TAFAZZIN: variants seen among roughly 807,000 people sequenced by gnomAD.
TAFAZZIN encodes the protein protein G4.5.
In TAFAZZIN, 6 loss-of-function variants were observed where a neutral mutation model predicts 27.3. That is an observed-to-expected ratio of 0.22 (90% CI 0.12 to 0.43). TAFAZZIN has a LOEUF of 0.43. TAFAZZIN is among the 20% of genes least tolerant of loss of function. The pLI is 1.00. For synonymous variants in TAFAZZIN, 79 were observed against 96.2 expected (o/e 0.82, Z 1.04); for missense variants, 127 against 244.5 (o/e 0.52, Z 3.21).
At chrX:154,419,923 G>T (rs1000899842) in intron 7 of TAFAZZIN, 109 bp from the exon 8 acceptor site, 23 of 1,110,380 alleles carry the variant, frequency 2.1e-5, no homozygotes, top group African/African-American at 3.6e-5. Context: ...TTGCCCAAGG[G>T]AGCTGAATTG....
intron 2 of TAFAZZIN, 76 bp from the exon 3 acceptor site, chrX:154,413,131 C>A: frequency 1.7e-6 from 2 of 1,186,770 alleles, no homozygotes; most frequent in Non-Finnish European, 2.3e-6. Flanking sequence ...GTCCCTCATT[C>A]CCTGAGATGG....
At chrX:154,414,037 C>T (rs2068408221) in intron 4 of TAFAZZIN, 64 bp from the exon 5 acceptor site, 1 of 744,646 alleles carries the variant, frequency 1.3e-6, no homozygotes, top group Admixed American at 2.3e-5. Flanking sequence ...GCTGCTGGCC[C>T]AAGGTCATGG....
In TAFAZZIN at chrX:154,419,765, T is replaced by G; in HGVS notation, c.583+19T>G. 8.3e-7 allele frequency: 1 copy of G among 1,211,828 alleles called. No individual in the cohort carries two copies. Among genetic ancestry groups the G allele is most frequent in the Non-Finnish European group, 1.1e-6 (1 of 895,230 alleles). ...AAGTGGGGTAAGGGCTGCTGGTCTC[T>G]GGCCACAGCCATCCTCCCGGCCCAG... On this transcript the variant is annotated intron_variant, in intron 7 of 10. Coordinates refer to ENST00000601016, the MANE Select transcript of TAFAZZIN (RefSeq NM_000116.5).
intron 7 of TAFAZZIN, 126 bp from the exon 8 acceptor site, chrX:154,419,906 C>A: frequency 9.1e-7 from 1 of 1,094,092 alleles, no homozygotes; most frequent in Non-Finnish European, 1.3e-6. Context: ...CTGCCTCTCG[C>A]AGGGGCTTGC....
At position 154,414,257 on chromosome X, in the gene TAFAZZIN, C is replaced by T. The variant is rs782526361; in HGVS notation, c.460+67C>T. 1.8e-4 allele frequency: 177 copies of T among 969,147 alleles called. No homozygotes were observed. The African/African-American group carries it at 3.0e-3, about 16-fold the overall frequency. 79.9% of individuals were successfully genotyped at this position (969,147 alleles called of 1,213,427 possible). ...TTGTGAGGTCGAGGTGAGAGGATCACTCAAGCCCAGGAGTTTGAGACCAGC... is the reference window on the plus strand; with the variant it reads ...TTGTGAGGTCGAGGTGAGAGGATCATTCAAGCCCAGGAGTTTGAGACCAGC... On this transcript the variant is annotated intron_variant, in intron 5 of 10. Transcript: ENST00000601016.
intron 5 of TAFAZZIN, among the ~76,000 whole-genome samples, chrX:154,415,536 A>G (rs1304940925): frequency 1.8e-5 from 2 of 111,323 alleles, no homozygotes; most frequent in Middle Eastern, 4.2e-3. Context: ...ACGTAGGTAG[A>G]TAGATAGATA....
chrX:154,421,007 C>T lies in TAFAZZIN; in HGVS notation c.*3C>T. 2 of 1,204,489 alleles carry T rather than the reference C, an allele frequency of 1.7e-6. No homozygotes were observed. The highest frequency in any genetic ancestry group is 2.2e-6 in the Non-Finnish European group (2 of 888,988). ...ACCACCTCCAGCCTGGGAGATAGGC[C>T]TTGCTTGCTGCCTTCTGGATTCTTG... On this transcript the variant is annotated 3_prime_UTR_variant, in exon 11 of 11. Transcript: ENST00000601016.
In TAFAZZIN at chrX:154,411,843, G is replaced by A; in HGVS notation, c.-1G>A. 1 of 1,190,660 alleles carries A rather than the reference G, an allele frequency of 8.4e-7. No homozygotes were observed. Among genetic ancestry groups the A allele is most frequent in the South Asian group, 1.8e-5 (1 of 55,365 alleles). On this transcript the variant is annotated 5_prime_UTR_variant, in exon 1 of 11. Transcript: ENST00000601016. ...GAGCGCCGGCCGCGGGCCGGGTGGG[G>A]ATGCCTCTGCACGTGAAGTGGCCGT...
intron 10 of TAFAZZIN, 67 bp from the exon 11 acceptor site, chrX:154,420,836 C>G (rs2068610725): frequency 8.5e-7 from 1 of 1,180,413 alleles, no homozygotes; most frequent in Admixed American, 2.2e-5. Flanking sequence ...CCTCCCAGGG[C>G]ACCCTCCCAG....
Position 154,413,204 on chromosome X carries a change from T to C in TAFAZZIN, c.239-3T>C. The C allele has an allele frequency of 8.2e-7, 1 of 1,212,134 alleles. No individual in the cohort carries two copies. Among genetic ancestry groups the C allele is most frequent in the Non-Finnish European group, 1.1e-6 (1 of 895,510 alleles). On this transcript the variant is annotated splice_region_variant and splice_polypyrimidine_tract_variant and intron_variant, in intron 2 of 10. Transcript: ENST00000601016. ...GGGGCATGAAGCCTTTCCTGTCCTC[T>C]AGGGATCCTGAAACTCCGCCACATC...
Position 154,419,826 on chromosome X carries a change from G to A in TAFAZZIN, c.583+80G>A, listed in dbSNP as rs997291783. The A allele has an allele frequency of 6.8e-6, 8 of 1,178,302 alleles. No homozygotes were observed. The African/African-American group carries it at 8.8e-5, about 13-fold the overall frequency. On this transcript the variant is annotated intron_variant, in intron 7 of 10. Coordinates refer to ENST00000601016, the MANE Select transcript of TAFAZZIN (RefSeq NM_000116.5). ...GTGGGCCCCTGGCTCCCGCCCCCTC[G>A]GGCTGGCTTGTATGGGGGTAGATGG...
chrX:154,413,951 T>C (rs2068404522), intron 4 of TAFAZZIN, 150 bp from the exon 5 acceptor site: 1 of 508,591 alleles, frequency 2.0e-6, no homozygotes, highest in Non-Finnish European at 3.6e-6. Context: ...ACAAACAGGC[T>C]TGTGGGGTGA....
intron 9 of TAFAZZIN, among the ~76,000 whole-genome samples, 186 bp from the exon 10 acceptor site, chrX:154,420,472 G>A (rs1168081347): frequency 1.3e-4 from 14 of 110,212 alleles, no homozygotes; most frequent in Admixed American, 1.2e-3. Flanking sequence ...GGGCTGTGGG[G>A]TCAGGACAGG....
At chrX:154,413,329 C>T in intron 3 of TAFAZZIN, 77 bp downstream of exon 3, 1 of 1,208,312 alleles carries the variant, frequency 8.3e-7, no homozygotes, top group Non-Finnish European at 1.1e-6. Flanking sequence ...TCCTCCTGCT[C>T]TGCCCAGGAG....
At chrX:154,417,398 A>G (rs930296982) in intron 5 of TAFAZZIN, among the ~76,000 whole-genome samples, 5 of 111,870 alleles carry the variant, frequency 4.5e-5, no homozygotes, top group Admixed American at 9.5e-5. Context: ...CCAGATTATT[A>G]TGGCCTGAGG....
intron 5 of TAFAZZIN, among the ~76,000 whole-genome samples, chrX:154,417,517 G>A (rs2068524377): frequency 8.9e-6 from 1 of 112,860 alleles, no homozygotes; most frequent in African/African-American, 3.2e-5. Context: ...AGAGACAGAA[G>A]GAAGGGTAAC....
In TAFAZZIN at chrX:154,411,991, C is replaced by A. The variant is rs781904453; in HGVS notation, c.109+39C>A. 26 of 1,199,409 alleles carry A rather than the reference C, an allele frequency of 2.2e-5. No individual in the cohort carries two copies. The highest frequency in any genetic ancestry group is 6.7e-5 in the Admixed American group (3 of 45,109). On this transcript the variant is annotated intron_variant, in intron 1 of 10. Transcript: ENST00000601016. ...GGCCGAGGCAGGCCCGCCCGGGTAC[C>A]CATGCCCGGCCGGAGGTGGGACTTA...
intron 2 of TAFAZZIN, chrX:154,412,785 A>G (rs781902565): frequency 2.0e-4 from 49 of 240,356 alleles, no homozygotes; most frequent in South Asian, 3.3e-4. Flanking sequence ...CCTAGAGTTC[A>G]TGGGGAGCCA....
In TAFAZZIN at chrX:154,420,731, C is replaced by T. The variant is rs2068606445; in HGVS notation, c.773C>T (p.Ser258Leu). ...VLERLRAENK[S>L]AVEMRKALTD... ...GAGCGGCTCCGGGCGGAGAACAAGT[C>T]GGCTGTGAGTTTCCTCCTGGGTCCC... is the stretch of plus-strand genomic sequence containing the variant. Residue 258 changes from serine (S) to leucine (L), a missense_variant, in exon 10 of 11, where the codon TCG becomes TTG. Physicochemically the swap from Ser to Leu is moderately radical, Grantham distance 145. This residue lies in a region of TAFAZZIN where 31 missense variants were observed against 39.6 expected (regional missense o/e 0.78). Coordinates refer to ENST00000601016, the MANE Select transcript of TAFAZZIN (RefSeq NM_000116.5). The T allele has an allele frequency of 6.6e-6, 8 of 1,211,228 alleles. No homozygotes were observed. The highest frequency in any genetic ancestry group is 3.0e-5 in the East Asian group (1 of 33,807).
Sources: allele counts gnomAD v4.1 joint callset (sites outside exome capture counted in the v4.1 genomes callset), GRCh38; gene constraint gnomAD v4.1.1; regional missense constraint gnomAD v4.1.1; transcripts MANE v1.5; gene names NCBI Gene and HGNC (gene_info 2026-07-23, HGNC 2026-07-21).